The following SATB2 variants were observed in gnomAD, a reference collection of about 807,000 sequenced individuals.
SATB2 encodes DNA-binding protein SATB2.
In SATB2, 1 loss-of-function variant was observed where a neutral mutation model predicts 73.4. The ratio of observed to expected loss-of-function variants is 0.01; its 90% CI spans 0.00 to 0.06. The LOEUF (loss-of-function observed/expected upper bound fraction) is 0.06. Ranked by LOEUF, SATB2 falls within the 10% of genes least tolerant of loss-of-function variation. The pLI is 1.00. For missense variants in SATB2, 459 were observed against 945.8 expected (o/e 0.49, Z 6.75); for synonymous variants, 397 against 367.0 (o/e 1.08, Z -0.93).
intron 10 of SATB2, among the ~76,000 whole-genome samples, chr2:199,275,911 C>T (rs141855596): frequency 9.5e-4 from 145 of 152,230 alleles, no homozygotes; most frequent in African/African-American, 3.4e-3. Context: ...TTTTCTTTGG[C>T]TATAAGTCCC....
chr2:199,328,986 C>G, intron 7 of SATB2, 76 bp from the exon 8 acceptor site: 1 of 1,135,664 alleles, frequency 8.8e-7, no homozygotes. Flanking sequence ...TTCCACCCCT[C>G]TCCTCCTTTG....
chr2:199,308,622 C>G lies in SATB2; in HGVS notation c.1740+138G>C, dbSNP rs1306135032. 1.4e-6 allele frequency: 1 copy of G among 710,004 alleles called. No homozygotes were observed. The highest frequency in any genetic ancestry group is 2.5e-6 in the Non-Finnish European group (1 of 402,786). The allele number at this position is 710,004 out of a possible 1,614,324, so 44.0% of individuals were successfully genotyped here. ...CACACAGTACCCACTGTGACGACAG[C>G]GTCTTCTGTACTTGGGGACCTGGCA... On this transcript the variant is annotated intron_variant, in intron 10 of 10. Coordinates refer to ENST00000417098, the MANE Select transcript of SATB2 (RefSeq NM_001172509.2). The surrounding 1 kb of genome is among the most constrained non-coding windows in gnomAD (Gnocchi z 4.6).
intron 7 of SATB2, among the ~76,000 whole-genome samples, chr2:199,333,433 A>G (rs1688246554): frequency 6.6e-6 from 1 of 152,104 alleles, no homozygotes; most frequent in African/African-American, 2.4e-5. Flanking sequence ...GACTTAACTT[A>G]GCTGGAATTT....
At chr2:199,363,486 G>A (rs1353871068) in intron 6 of SATB2, among the ~76,000 whole-genome samples, 1 of 152,180 alleles carries the variant, frequency 6.6e-6, no homozygotes, top group Non-Finnish European at 1.5e-5. Context: ...TTTAACAGAG[G>A]CTGGGAGGTG....
At chr2:199,372,897 A>G (rs1358186079) in intron 5 of SATB2, among the ~76,000 whole-genome samples, 3 of 152,230 alleles carry the variant, frequency 2.0e-5, no homozygotes, top group African/African-American at 4.8e-5. Context: ...AAAATAATAA[A>G]CACAGGTTAA....
At chr2:199,356,455 A>C (rs1289757310) in intron 6 of SATB2, among the ~76,000 whole-genome samples, 1 of 152,054 alleles carries the variant, frequency 6.6e-6, no homozygotes. Context: ...GAATGCCTTA[A>C]ATTTACAAAC....
chr2:199,326,441 T>C (rs925381260), intron 8 of SATB2, among the ~76,000 whole-genome samples: 18 of 152,168 alleles, frequency 1.2e-4, no homozygotes, highest in African/African-American at 4.3e-4. Context: ...AGCAAAATAC[T>C]GACCCTAACT....
At chr2:199,444,945 G>C (rs976237875) in intron 2 of SATB2, among the ~76,000 whole-genome samples, 2 of 152,174 alleles carry the variant, frequency 1.3e-5, no homozygotes, top group Admixed American at 6.6e-5. Context: ...TGGCTTTACT[G>C]AGTCATTCTA....
chr2:199,386,686 ACGTGCGCAAGCGCG>A (rs1689946299), intron 3 of SATB2, among the ~76,000 whole-genome samples: 1 of 88,066 alleles, frequency 1.1e-5, no homozygotes, highest in South Asian at 4.9e-4. Flanking sequence ...TATTTCATAC[ACGTGCGCAAGCGCG>A]CGCGCGCGCG....
chr2:199,392,775 TCACAAGATGGTAATTACAATAAAATAA>T (rs1690184864), intron 3 of SATB2, among the ~76,000 whole-genome samples: 1 of 152,204 alleles, frequency 6.6e-6, no homozygotes, highest in South Asian at 2.1e-4. Flanking sequence ...CCTGCCTGAC[TCACAAGATGGTAATTACAATAAAATAA>T]CATGAGTTAA....
chr2:199,318,022 A>G (rs1229110915), intron 9 of SATB2, among the ~76,000 whole-genome samples: 1 of 152,078 alleles, frequency 6.6e-6, no homozygotes, highest in Non-Finnish European at 1.5e-5. Flanking sequence ...AAACTGGTCC[A>G]TGATAGGCTC....
intron 7 of SATB2, chr2:199,329,284 C>A: frequency 4.2e-6 from 1 of 238,100 alleles, no homozygotes; most frequent in Non-Finnish European, 8.4e-6. Flanking sequence ...ACTTGGCAGT[C>A]CTGCTTAGCT....
Position 199,271,979 on chromosome 2 carries a change from C to T in SATB2, c.*232G>A, listed in dbSNP as rs1692170675. 2 of 573,996 alleles carry T rather than the reference C, an allele frequency of 3.5e-6. No individual in the cohort carries two copies. The highest frequency in any genetic ancestry group is 3.0e-5 in the East Asian group (1 of 33,282). 35.6% of individuals were successfully genotyped at this position (573,996 alleles called of 1,614,324 possible). Reference sequence around the variant, plus strand: ...AAAGTGTAACGCTTTAGTGTCTTTGCCAAGGCGATGTCTGATTCGGAAATA... The same window carrying T: ...AAAGTGTAACGCTTTAGTGTCTTTGTCAAGGCGATGTCTGATTCGGAAATA... On this transcript the variant is annotated 3_prime_UTR_variant, in exon 11 of 11. Transcript: ENST00000417098.
chr2:199,442,088 C>A lies in SATB2; in HGVS notation c.170-8574G>T, dbSNP rs149012934. On this transcript the variant is annotated intron_variant, in intron 2 of 10. Transcript: ENST00000417098. ...TTAGCTGCCTCATGCCCCTCCCAACCCTGAGCCTGACCTATATAGTAGGCC... is the reference window on the plus strand; with the variant it reads ...TTAGCTGCCTCATGCCCCTCCCAACACTGAGCCTGACCTATATAGTAGGCC... 2.5e-3 allele frequency among the ~76,000 whole-genome samples: 376 copies of A among 152,278 alleles called. 1 individual carries two copies. Among genetic ancestry groups the A allele is most frequent in the African/African-American group, 8.1e-3 (337 of 41,548 alleles).
chr2:199,275,536 C>T (rs1322863187), intron 10 of SATB2, among the ~76,000 whole-genome samples: 1 of 152,018 alleles, frequency 6.6e-6, no homozygotes, highest in African/African-American at 2.4e-5. Context: ...AATTCCAATT[C>T]GGAGGATTCT....
intron 7 of SATB2, among the ~76,000 whole-genome samples, chr2:199,333,049 A>G (rs1688233926): frequency 6.6e-6 from 1 of 151,740 alleles, no homozygotes; most frequent in African/African-American, 2.4e-5. Context: ...ACCATAGGTA[A>G]CTCCCTAGGA....
intron 6 of SATB2, among the ~76,000 whole-genome samples, chr2:199,351,073 T>C (rs1688804481): frequency 6.7e-6 from 1 of 150,260 alleles, no homozygotes; most frequent in East Asian, 2.0e-4. Flanking sequence ...TTGCTTAACA[T>C]TCCTATAAAC....
intron 4 of SATB2, among the ~76,000 whole-genome samples, chr2:199,381,037 T>G (rs1044472627): frequency 6.6e-6 from 1 of 152,080 alleles, no homozygotes; most frequent in Non-Finnish European, 1.5e-5. Flanking sequence ...ACACTTACAC[T>G]AAAGGACAAC....
chr2:199,297,798 TAA>T lies in SATB2; in HGVS notation c.1740+10960_1740+10961del, dbSNP rs5837673. 6.0e-3 allele frequency among the ~76,000 whole-genome samples: 890 copies of T among 147,202 alleles called. 2 individuals are homozygous for T. The highest frequency in any genetic ancestry group is 0.01 in the Non-Finnish European group (688 of 66,652). On this transcript the variant is annotated intron_variant, in intron 10 of 10. Coordinates refer to ENST00000417098, the MANE Select transcript of SATB2 (RefSeq NM_001172509.2). ...AAGTAGCCTTTTTGCTTTTTAAGCT[TAA>T]AAAAAAAAAAACAAAGCACTAACCA...
Sources: gnomAD v4.1 joint callset for allele counts (sites outside exome capture counted in the v4.1 genomes callset) on GRCh38, gnomAD v4.1.1 for gene constraint, Gnocchi (gnomAD v3.1) non-coding constraint, MANE v1.5 for transcripts, NCBI Gene and HGNC (gene_info 2026-07-23, HGNC 2026-07-21) for gene names.